CCSER1: variants seen among roughly 807,000 people sequenced by gnomAD.
CCSER1 encodes serine-rich coiled-coil domain-containing protein 1.
In CCSER1, 41 loss-of-function variants were observed where a neutral mutation model predicts 82.0. The ratio of observed to expected loss-of-function variants is 0.50; its 90% confidence interval spans 0.39 to 0.65. The LOEUF (loss-of-function observed/expected upper bound fraction) is 0.65, where lower values mean the gene tolerates loss of function less well. Among genes scored for constraint, CCSER1 ranks in the 30% least tolerant of loss-of-function variants. The pLI is 0.00. For missense variants in CCSER1, 1,119 were observed against 1,064.2 expected (o/e 1.05, Z -0.72); for synonymous variants, 414 against 383.9 (o/e 1.08, Z -0.92).
At chr4:90,412,320 TG>T (rs1284356775) in intron 4 of CCSER1, among the ~76,000 whole-genome samples, 1 of 61,524 alleles carries the variant, frequency 1.6e-5, no homozygotes, top group Non-Finnish European at 2.9e-5. Flanking sequence ...TGTTGTGGGG[TG>T]GGGGGAGGGG....
At position 90,739,090 on chromosome 4, in the gene CCSER1, A is replaced by G. The variant is rs1370603494; in HGVS notation, c.2010+15099A>G. Among the ~76,000 whole-genome samples the G allele has an allele frequency of 1.3e-5, 2 of 152,234 alleles. 1 individual carries two copies. Among genetic ancestry groups the G allele is most frequent in the Middle Eastern group, 6.3e-3 (2 of 316 alleles). ...GTGCTGGGTCACACCTGAAGCCAGCATAGCTCTGAGTCTCACTCAAGGCAA... is the reference window on the plus strand; with the variant it reads ...GTGCTGGGTCACACCTGAAGCCAGCGTAGCTCTGAGTCTCACTCAAGGCAA... On this transcript the variant is annotated intron_variant, in intron 7 of 10. Transcript: ENST00000509176.
intron 9 of CCSER1, among the ~76,000 whole-genome samples, chr4:90,982,141 T>A (rs1736169382): frequency 6.6e-6 from 1 of 151,798 alleles, no homozygotes; most frequent in Non-Finnish European, 1.5e-5. Context: ...TTTCTTACAG[T>A]TTTAAAATCT....
intron 1 of CCSER1, among the ~76,000 whole-genome samples, chr4:90,133,803 A>G (rs1271396498): frequency 1.3e-5 from 2 of 152,076 alleles, no homozygotes; most frequent in East Asian, 1.9e-4. Context: ...CCTGTTTTGT[A>G]TGATTGGTTC....
Position 90,992,322 on chromosome 4 carries a change from A to G in CCSER1, c.2172+68875A>G, listed in dbSNP as rs1165714775. Among the ~76,000 whole-genome samples the G allele has an allele frequency of 3.3e-5, 5 of 152,206 alleles. No individual in the cohort carries two copies. In the East Asian group the frequency reaches 7.7e-4, roughly 24 times the overall value. On this transcript the variant is annotated intron_variant, in intron 9 of 10. Transcript: ENST00000509176. ...TCTATTATTTTGCATAACCTCATGC[A>G]TGATATCACACTGCTCATACAAAAA...
chr4:90,760,278 T>C (rs1352584314), intron 7 of CCSER1, among the ~76,000 whole-genome samples: 4 of 152,056 alleles, frequency 2.6e-5, no homozygotes, highest in Non-Finnish European at 5.9e-5. Flanking sequence ...CATAATTTTA[T>C]TCTTTTTTAA....
At chr4:90,177,573 A>C (rs1208399620) in intron 1 of CCSER1, among the ~76,000 whole-genome samples, 1 of 152,024 alleles carries the variant, frequency 6.6e-6, no homozygotes. Flanking sequence ...CATCCATTTT[A>C]TAATTTTTCT....
chr4:91,444,364 A>G (rs1398314550), intron 10 of CCSER1, among the ~76,000 whole-genome samples: 1 of 152,218 alleles, frequency 6.6e-6, no homozygotes, highest in African/African-American at 2.4e-5. Context: ...AAAATGTCTA[A>G]TGATGTAATC....
chr4:91,453,406 G>T (rs929642411), intron 10 of CCSER1, among the ~76,000 whole-genome samples: 1 of 151,768 alleles, frequency 6.6e-6, no homozygotes, highest in Non-Finnish European at 1.5e-5. Context: ...GGCCACAGAG[G>T]GTCTCTCAAG....
In CCSER1 at chr4:90,417,366, A is replaced by G. The variant is rs977606279; in HGVS notation, c.1603+17237A>G. Among the ~76,000 whole-genome samples, 4 of 152,142 alleles carry G rather than the reference A, an allele frequency of 2.6e-5. No individual in the cohort carries two copies. The East Asian group carries it at 7.7e-4, about 29-fold the overall frequency. On this transcript the variant is annotated intron_variant, in intron 4 of 10. Transcript: ENST00000509176. ...TTCTATTTTAAATACCTTAAAAATT[A>G]TTAACCATTAATATTAACCATTAAT...
intron 8 of CCSER1, among the ~76,000 whole-genome samples, chr4:90,855,419 C>T (rs907578708): frequency 6.6e-6 from 1 of 152,076 alleles, no homozygotes; most frequent in African/African-American, 2.4e-5. Context: ...CATAGAACTA[C>T]TGTAGAATTA....
chr4:91,469,461 T>G (rs1038906830), intron 10 of CCSER1, among the ~76,000 whole-genome samples: 2 of 152,222 alleles, frequency 1.3e-5, no homozygotes, highest in African/African-American at 4.8e-5. Context: ...AACCACTGTG[T>G]GTTCACTCTG....
At chr4:91,307,973 C>CT (rs11405022) in intron 10 of CCSER1, among the ~76,000 whole-genome samples, 113,139 of 151,726 alleles carry the variant, frequency 0.75, 42,318 homozygotes, top group Middle Eastern at 0.8. Context: ...CTACGAAATG[C>CT]TTTAGCCAAG....
chr4:90,151,355 A>G (rs1360474566), intron 1 of CCSER1, among the ~76,000 whole-genome samples: 4 of 151,782 alleles, frequency 2.6e-5, no homozygotes, highest in Non-Finnish European at 4.4e-5. Flanking sequence ...ATTTTAATTT[A>G]GGTATTTATT....
intron 1 of CCSER1, among the ~76,000 whole-genome samples, chr4:90,272,965 T>C (rs932949143): frequency 2.0e-5 from 3 of 152,010 alleles, no homozygotes; most frequent in Non-Finnish European, 2.9e-5. Flanking sequence ...ATTGTGCCAA[T>C]GCACTCCAGC....
At chr4:90,159,033 TGTCA>T (rs1728913964) in intron 1 of CCSER1, among the ~76,000 whole-genome samples, 1 of 152,046 alleles carries the variant, frequency 6.6e-6, no homozygotes, top group African/African-American at 2.4e-5. Context: ...CCGACCTCCC[TGTCA>T]GTCCTAGGTT....
chr4:91,357,566 G>A (rs1180012519), intron 10 of CCSER1, among the ~76,000 whole-genome samples: 1 of 151,574 alleles, frequency 6.6e-6, no homozygotes, highest in African/African-American at 2.4e-5. Flanking sequence ...TTTAATGTAG[G>A]TAAAAATCTA....
At chr4:90,783,029 C>G (rs1754023418) in intron 7 of CCSER1, among the ~76,000 whole-genome samples, 1 of 152,086 alleles carries the variant, frequency 6.6e-6, no homozygotes, top group South Asian at 2.1e-4. Context: ...GTAACCTCTG[C>G]CTCCCTGGTT....
intron 10 of CCSER1, among the ~76,000 whole-genome samples, chr4:91,186,957 G>A (rs1418447288): frequency 6.6e-6 from 1 of 152,228 alleles, no homozygotes; most frequent in African/African-American, 2.4e-5. Flanking sequence ...TTACAGTGCT[G>A]CAGAGATTTT....
In CCSER1 at chr4:90,890,935, T is replaced by A. The variant is rs1722868576; in HGVS notation, c.2095-32435T>A. 2.0e-5 allele frequency among the ~76,000 whole-genome samples: 3 copies of A among 152,112 alleles called. No homozygotes were observed. In the South Asian group the frequency reaches 6.2e-4, roughly 31 times the overall value. The stretch of plus-strand genomic sequence containing the variant: ...AAAAACTACTCTACTATAATCTGTA[T>A]GAGTAAAACAAGTCAATGTAAATAT... On this transcript the variant is annotated intron_variant, in intron 8 of 10. Transcript: ENST00000509176.
Sources: gnomAD v4.1 joint callset for allele counts (sites outside exome capture counted in the v4.1 genomes callset) on GRCh38, gnomAD v4.1.1 for gene constraint, MANE v1.5 for transcripts, NCBI Gene and HGNC (gene_info 2026-07-23, HGNC 2026-07-21) for gene names.